Variants in RABGEF1 observed in about 807,000 individuals in gnomAD.
The protein encoded by RABGEF1 is rab5 GDP/GTP exchange factor.
In RABGEF1, 26 loss-of-function variants were observed where a neutral mutation model predicts 57.3. The ratio of observed to expected loss-of-function variants is 0.45; its 90% CI spans 0.33 to 0.63. The LOEUF (loss-of-function observed/expected upper bound fraction) is 0.63. Among genes scored for constraint, RABGEF1 ranks in the 20% least tolerant of loss-of-function variants. The probability of loss-of-function intolerance (pLI) is 0.02; values close to 1 mark genes in which losing one functional copy is unlikely to be tolerated. For synonymous variants in RABGEF1, 185 were observed against 210.7 expected (o/e 0.88, Z 1.06); for missense variants, 464 against 607.6 (o/e 0.76, Z 2.48).
the RABGEF1 span, among the ~76,000 whole-genome samples, chr7:66,668,443 C>T: frequency 1.3e-5 from 2 of 152,286 alleles, no homozygotes; most frequent in East Asian, 3.9e-4. Context: ...GCCGGGAGTC[C>T]CTCCAGCTGG....
intron 1 of RABGEF1, among the ~76,000 whole-genome samples, chr7:66,760,526 C>A (rs774212266): frequency 7.9e-5 from 12 of 151,604 alleles, no homozygotes; most frequent in Non-Finnish European, 1.5e-4. Flanking sequence ...TCATCACAAC[C>A]TCTTCCTCCC....
upstream of RABGEF1, among the ~76,000 whole-genome samples, chr7:66,739,230 G>A (rs1243935693): frequency 2.6e-5 from 4 of 151,922 alleles, no homozygotes; most frequent in Admixed American, 6.6e-5. Context: ...GATTACAGGC[G>A]TGAGCCACTG....
chr7:66,659,791 T>A, the RABGEF1 span, among the ~76,000 whole-genome samples: 43 of 148,120 alleles, frequency 2.9e-4, no homozygotes, highest in South Asian at 4.0e-3. Context: ...AAAAAATAAA[T>A]AAATAAAAAT....
chr7:66,738,017 T>TTG (rs773919307), upstream of RABGEF1, among the ~76,000 whole-genome samples: 339 of 132,562 alleles, frequency 2.6e-3, 3 homozygotes, highest in Middle Eastern at 0.017. Context: ...GTTTTTTGTT[T>TTG]TTTTTGTTTT....
chr7:66,685,640 G>A (rs760953212), intron 1 of RABGEF1, among the ~76,000 whole-genome samples: 3 of 152,210 alleles, frequency 2.0e-5, no homozygotes, highest in Non-Finnish European at 4.4e-5. Context: ...GCACACAAGT[G>A]TTTAATGAGT....
chr7:66,729,267 C>T (rs574070310), intron 2 of RABGEF1, among the ~76,000 whole-genome samples: 10 of 151,566 alleles, frequency 6.6e-5, no homozygotes, highest in African/African-American at 2.2e-4. Flanking sequence ...CCACCATTAC[C>T]ACCATCCTCG....
At chr7:66,774,554 C>T (rs1257529238) in intron 2 of RABGEF1, among the ~76,000 whole-genome samples, 16 of 152,184 alleles carry the variant, frequency 1.1e-4, no homozygotes, top group Non-Finnish European at 2.9e-5. Context: ...CAGGCTTGCA[C>T]ATTTGTAGTT....
intron 2 of RABGEF1, among the ~76,000 whole-genome samples, chr7:66,713,261 C>A (rs1265135436): frequency 1.3e-5 from 2 of 152,062 alleles, no homozygotes; most frequent in East Asian, 3.9e-4. Flanking sequence ...TCTGCCTCAG[C>A]CTCCCGAGTA....
At chr7:66,802,557 A>G (rs1787533526) in intron 7 of RABGEF1, among the ~76,000 whole-genome samples, 1 of 152,232 alleles carries the variant, frequency 6.6e-6, no homozygotes, top group Non-Finnish European at 1.5e-5. Flanking sequence ...ATTAGACAGC[A>G]GTGAGTTTCC....
intron 1 of RABGEF1, among the ~76,000 whole-genome samples, chr7:66,771,423 G>A (rs1316698148): frequency 4.6e-5 from 7 of 152,216 alleles, no homozygotes; most frequent in Non-Finnish European, 8.8e-5. Flanking sequence ...ACAGGTGTGA[G>A]CCACCACACC....
chr7:66,779,045 G>A (rs935584940), intron 3 of RABGEF1, among the ~76,000 whole-genome samples: 23 of 152,146 alleles, frequency 1.5e-4, no homozygotes, highest in Admixed American at 1.0e-3. Context: ...AACCCGGGGA[G>A]TGGAGGTTGC....
At chr7:66,780,262 A>G (rs986566409) in intron 3 of RABGEF1, among the ~76,000 whole-genome samples, 1 of 152,172 alleles carries the variant, frequency 6.6e-6, no homozygotes, top group Non-Finnish European at 1.5e-5. Context: ...GTTAATAGTC[A>G]ACAGCTCAGG....
At chr7:66,660,490 C>T in the RABGEF1 span, among the ~76,000 whole-genome samples, 1 of 151,754 alleles carries the variant, frequency 6.6e-6, no homozygotes, top group Non-Finnish European at 1.5e-5. Flanking sequence ...TCTAGAAACA[C>T]AAAGCCTACC....
At chr7:66,762,428 A>C (rs1273724241) in intron 1 of RABGEF1, among the ~76,000 whole-genome samples, 1 of 151,966 alleles carries the variant, frequency 6.6e-6, no homozygotes, top group South Asian at 2.1e-4. Flanking sequence ...CTGTCTCTAC[A>C]AAAAATACAA....
chr7:66,744,322 C>G (rs1799691229), intron 1 of RABGEF1, among the ~76,000 whole-genome samples: 1 of 148,684 alleles, frequency 6.7e-6, no homozygotes. Flanking sequence ...TGCTTGAGGT[C>G]AGGGGTTGGA....
chr7:66,705,450 AGAGAG>A (rs1793902415), intron 1 of RABGEF1, among the ~76,000 whole-genome samples: 4 of 119,384 alleles, frequency 3.4e-5, no homozygotes, highest in East Asian at 2.6e-4. Flanking sequence ...AGAAAGAGAG[AGAGAG>A]AGAGAGAGAG....
At chr7:66,732,710 GCTCA>G (rs926167342) in intron 2 of RABGEF1, among the ~76,000 whole-genome samples, 1 of 151,496 alleles carries the variant, frequency 6.6e-6, no homozygotes, top group Non-Finnish European at 1.5e-5. Flanking sequence ...TCTCTCTCTC[GCTCA>G]CTCTCTCTCG....
the RABGEF1 span, among the ~76,000 whole-genome samples, chr7:66,665,637 G>T: frequency 6.6e-6 from 1 of 152,142 alleles, no homozygotes; most frequent in African/African-American, 2.4e-5. Context: ...TTGAAGAAAG[G>T]GTACAAGAGA....
chr7:66,728,374 A>C lies in RABGEF1; in HGVS notation c.-814-11622A>C, dbSNP rs185114757. 1.2e-4 allele frequency among the ~76,000 whole-genome samples: 19 copies of C among 152,228 alleles called. No homozygotes were observed. In the East Asian group the frequency reaches 2.9e-3, roughly 23 times the overall value. ...GGGGAGGCTGCTGGGACTGAAATGA[A>C]GGTATCCCCCCTATGGCTGGGTCAG... On this transcript the variant is annotated intron_variant and NMD_transcript_variant, in intron 2 of 9. Transcript: ENST00000607882.
Sources: allele counts gnomAD v4.1 joint callset (sites outside exome capture counted in the v4.1 genomes callset), GRCh38; gene constraint gnomAD v4.1.1; transcripts MANE v1.5; gene names NCBI Gene and HGNC (gene_info 2026-07-23, HGNC 2026-07-21).